ZNF331: variants seen among roughly 807,000 people sequenced by gnomAD.
The protein encoded by ZNF331 is zinc finger protein 331.
ZNF331 carries 2 observed loss-of-function variants against 7.0 expected under a neutral mutation model. The observed-to-expected ratio is 0.29, with a 90% CI of 0.12 to 0.90. ZNF331 has a LOEUF of 0.90. Among genes scored for constraint, ZNF331 ranks in the 40% least tolerant of loss-of-function variants. ZNF331 has a pLI of 0.58. For missense variants in ZNF331, 432 were observed against 587.7 expected, an observed-to-expected ratio of 0.74 and a Z score of 2.74; for synonymous variants, 196 against 205.4, an observed-to-expected ratio of 0.95 and a Z score of 0.39.
chr19:53,568,901 G>A (rs1400123159), intron 3 of ZNF331, among the ~76,000 whole-genome samples: 1 of 140,366 alleles, frequency 7.1e-6, no homozygotes, highest in African/African-American at 2.7e-5. Flanking sequence ...TGTCACCAGA[G>A]GCTGGAGTGC....
rs1348462668 is a variant in ZNF331, at chr19:53,573,590, C to T, written c.136+1860C>T. Among the ~76,000 whole-genome samples, 1 of 151,960 alleles carries T rather than the reference C, an allele frequency of 6.6e-6. No individual in the cohort carries two copies. The highest frequency in any genetic ancestry group is 1.5e-5 in the Non-Finnish European group (1 of 68,004). On this transcript the variant is annotated intron_variant, in intron 5 of 5. Transcript: ENST00000449416. The surrounding 1 kb of genome is among the most constrained non-coding windows in gnomAD (Gnocchi z 4.2). ...TCAAGCAATCTTCCTGCCTCATCTC[C>T]CTGAGTAGCAGGGACCACAGGTGCA...
chr19:53,545,590 GGCCACACTCCCGATCACCCA>G (rs1382333330), intron 2 of ZNF331, among the ~76,000 whole-genome samples: 1 of 152,140 alleles, frequency 6.6e-6, no homozygotes, highest in African/African-American at 2.4e-5. Flanking sequence ...ACACTCAGTA[GGCCACACTCCCGATCACCCA>G]GCCACAGTCC....
At chr19:53,570,106 A>AT (rs917824023) in intron 4 of ZNF331, among the ~76,000 whole-genome samples, 18 of 152,020 alleles carry the variant, frequency 1.2e-4, no homozygotes, top group African/African-American at 4.1e-4. Context: ...AAATACCAAA[A>AT]TTAGCAGGCT....
At chr19:53,569,703 C>T (rs2090342767) in intron 4 of ZNF331, among the ~76,000 whole-genome samples, 1 of 152,118 alleles carries the variant, frequency 6.6e-6, no homozygotes, top group Non-Finnish European at 1.5e-5. Flanking sequence ...TTGGTCCCAT[C>T]TGACCACATG....
chr19:53,544,010 C>G (rs2088371491), intron 2 of ZNF331, among the ~76,000 whole-genome samples: 1 of 151,960 alleles, frequency 6.6e-6, no homozygotes, highest in African/African-American at 2.4e-5. Flanking sequence ...GGGCAGATCA[C>G]AAGGTCAGGA....
At chr19:53,549,664 T>C (rs999277191) in intron 2 of ZNF331, among the ~76,000 whole-genome samples, 1 of 150,974 alleles carries the variant, frequency 6.6e-6, no homozygotes, top group Admixed American at 6.6e-5. Flanking sequence ...TTAGAAATCC[T>C]ATGTATGGGA....
At chr19:53,555,675 C>G (rs1484572989) in intron 2 of ZNF331, 170 bp from the exon 3 acceptor site, 1 of 152,216 alleles carries the variant, frequency 6.6e-6, no homozygotes, top group African/African-American at 2.4e-5. Context: ...TGTAGAGGGA[C>G]ACGTCCCTGA....
chr19:53,576,812 A>G lies in ZNF331; in HGVS notation c.252A>G (p.Ile84Met). 1 of 1,614,204 alleles carries G rather than the reference A, an allele frequency of 6.2e-7. No individual in the cohort carries two copies. The highest frequency in any genetic ancestry group is 8.5e-7 in the Non-Finnish European group (1 of 1,180,046). ...GTAAATCCCTTGGCCGTAACTGGATATGTGAAGGTACGCTTGAAAGACCAC... is the reference window on the plus strand; with the variant it reads ...GTAAATCCCTTGGCCGTAACTGGATGTGTGAAGGTACGCTTGAAAGACCAC... ...RRSKSLGRNW[I>M]CEGTLERPQR... Residue 84 changes from isoleucine (I) to methionine (M), a missense_variant, in exon 6 of 6, where the codon ATA becomes ATG. Ile to Met is a conservative substitution (Grantham distance 10). This residue lies in a region of ZNF331 where 81 missense variants were observed against 70.3 expected (regional missense o/e 1.15). Coordinates refer to ENST00000449416, the MANE Select transcript of ZNF331 (RefSeq NM_001079906.2).
At chr19:53,503,353 G>A in the ZNF331 span, 10 of 416,658 alleles carry the variant, frequency 2.4e-5, no homozygotes, top group Non-Finnish European at 3.6e-5. Flanking sequence ...AGGATCCTGT[G>A]TCTCTGAAGA....
intron 3 of ZNF331, among the ~76,000 whole-genome samples, chr19:53,556,969 CTCTT>C (rs2089469629): frequency 4.3e-5 from 5 of 117,298 alleles, no homozygotes; most frequent in East Asian, 2.5e-4. Context: ...CCACACCTGG[CTCTT>C]TTTTTTTTTT....
At chr19:53,569,874 C>G (rs144404152) in intron 4 of ZNF331, among the ~76,000 whole-genome samples, 1 of 152,020 alleles carries the variant, frequency 6.6e-6, no homozygotes, top group Non-Finnish European at 1.5e-5. Flanking sequence ...ATGTTCCTGC[C>G]GGGAAACTGG....
upstream of ZNF331, among the ~76,000 whole-genome samples, chr19:53,537,019 A>G (rs73051507): frequency 0.072 from 11,039 of 152,312 alleles, 529 homozygotes; most frequent in Non-Finnish European, 0.11. Context: ...TCACCAGCTG[A>G]GGTAACCAGG....
At chr19:53,546,165 T>G (rs1275625273) in intron 2 of ZNF331, among the ~76,000 whole-genome samples, 1 of 115,304 alleles carries the variant, frequency 8.7e-6, no homozygotes, top group African/African-American at 2.8e-5. Flanking sequence ...AAAAAAATTA[T>G]TATTTAGGTT....
chr19:53,567,471 G>T lies in ZNF331; in HGVS notation c.-73-1833G>T, dbSNP rs73587733. On this transcript the variant is annotated intron_variant, in intron 3 of 5. Coordinates refer to ENST00000449416, the MANE Select transcript of ZNF331 (RefSeq NM_001079906.2). ...GTTAGCTAATCTATGAGGCTCATGG[G>T]TATGGTCTGCATAGAAGACCACCCT... 7.8e-3 allele frequency among the ~76,000 whole-genome samples: 1,193 copies of T among 152,134 alleles called. 18 individuals carry two copies. The highest frequency in any genetic ancestry group is 0.028 in the African/African-American group (1,152 of 41,492).
At chr19:53,557,819 C>T (rs2089532723) in intron 3 of ZNF331, among the ~76,000 whole-genome samples, 1 of 152,166 alleles carries the variant, frequency 6.6e-6, no homozygotes, top group Admixed American at 6.5e-5. Flanking sequence ...CAAAAATTAG[C>T]TGGGTGTGGT....
chr19:53,549,141 G>T (rs2088817417), intron 2 of ZNF331, among the ~76,000 whole-genome samples: 1 of 152,122 alleles, frequency 6.6e-6, no homozygotes, highest in African/African-American at 2.4e-5. Context: ...GGGTCCAGTT[G>T]CATTCTTCTG....
chr19:53,541,557 G>A (rs932238381), intron 2 of ZNF331, among the ~76,000 whole-genome samples: 7 of 151,998 alleles, frequency 4.6e-5, no homozygotes, highest in African/African-American at 1.7e-4. Context: ...TTCCCACCTC[G>A]GCCTCTCAAG....
At chr19:53,518,209 G>A (rs970489296), upstream of ZNF331, among the ~76,000 whole-genome samples, 29 of 152,196 alleles carry the variant, frequency 1.9e-4, no homozygotes, top group African/African-American at 6.5e-4. Flanking sequence ...TCCCGTGCTG[G>A]ATGCTTCCTT....
At chr19:53,538,365 A>T (rs2087882411) in intron 1 of ZNF331, 69 bp downstream of exon 1, 1 of 152,208 alleles carries the variant, frequency 6.6e-6, no homozygotes, top group African/African-American at 2.4e-5. Context: ...CACTTGCTGG[A>T]GAGTGTGGGG....
Sources: allele counts gnomAD v4.1 joint callset (sites outside exome capture counted in the v4.1 genomes callset), GRCh38; gene constraint gnomAD v4.1.1; regional missense constraint gnomAD v4.1.1; non-coding constraint Gnocchi (gnomAD v3.1); transcripts MANE v1.5; gene names NCBI Gene and HGNC (gene_info 2026-07-23, HGNC 2026-07-21).